The following BMP3 variants were observed in gnomAD, a reference collection of about 807,000 sequenced individuals.
The protein encoded by BMP3 is bone morphogenetic protein 3 (osteogenic).
Under a neutral mutation model 38.1 loss-of-function variants are expected in BMP3, and 23 were observed. The observed-to-expected ratio is 0.60, with a 90% CI of 0.43 to 0.86. The LOEUF (loss-of-function observed/expected upper bound fraction) is 0.86. BMP3 is among the 40% of genes least tolerant of loss of function. The pLI is 0.00. For synonymous variants in BMP3, 258 were observed against 225.7 expected, an observed-to-expected ratio of 1.14 and a Z score of -1.28; for missense variants, 628 against 579.6, an observed-to-expected ratio of 1.08 and a Z score of -0.86.
At chr4:81,050,338 G>A (rs919564472) in intron 2 of BMP3, among the ~76,000 whole-genome samples, 1 of 152,154 alleles carries the variant, frequency 6.6e-6, no homozygotes, top group South Asian at 2.1e-4. Flanking sequence ...CAGCCAATCT[G>A]TTCTCCCAGA....
At chr4:81,038,226 A>G (rs926986706) in intron 1 of BMP3, among the ~76,000 whole-genome samples, 2 of 152,160 alleles carry the variant, frequency 1.3e-5, no homozygotes, top group African/African-American at 2.4e-5. Flanking sequence ...TGGTTTTGCC[A>G]TAAAGAAGTC....
rs1468473636 is a variant in BMP3 at position 81,057,422 on chromosome 4, T to C, written c.*3886T>C. On this transcript the variant is annotated 3_prime_UTR_variant, in exon 3 of 3. Transcript: ENST00000282701. ...TAGAGGGTATATTGCAGTGAAACTG[T>C]GAAGGATACTTCACTACCAATGTAT... 6.6e-6 allele frequency: 1 copy of C among 152,098 alleles called. No individual in the cohort carries two copies. Among genetic ancestry groups the C allele is most frequent in the African/African-American group, 2.4e-5 (1 of 41,458 alleles). The allele number at this position is 152,098 out of a possible 1,614,324, so 9.4% of individuals were successfully genotyped here. A position where few individuals can be genotyped will look rare whatever the true frequency, so the allele number is the denominator to read the frequency against.
Position 81,057,252 on chromosome 4 carries a change from A to G in BMP3, c.*3716A>G, listed in dbSNP as rs1331353353. 6.6e-6 allele frequency: 1 copy of G among 151,664 alleles called. No homozygotes were observed. The highest frequency in any genetic ancestry group is 2.4e-5 in the African/African-American group (1 of 41,358). 9.4% of individuals were successfully genotyped at this position (151,664 alleles called of 1,614,324 possible). The stretch of plus-strand genomic sequence containing the variant: ...ATATGTATATGGAAAAGGTTCAAAG[A>G]TGCTTTTAATTTATTTAATGACTAT... On this transcript the variant is annotated 3_prime_UTR_variant, in exon 3 of 3. Coordinates refer to ENST00000282701, the MANE Select transcript of BMP3 (RefSeq NM_001201.5).
In BMP3 at chr4:81,048,441, T is replaced by C. The variant is rs540145152; in HGVS notation, c.1227+1793T>C. Among the ~76,000 whole-genome samples, 111 of 152,312 alleles carry C rather than the reference T, an allele frequency of 7.3e-4. 1 individual carries two copies. The highest frequency in any genetic ancestry group is 2.6e-3 in the African/African-American group (107 of 41,568). ...CTGGGTAGCCTGGGGAAGTAGTTTT[T>C]CCCTTTTCTCCTGACTACAATCTTC... On this transcript the variant is annotated intron_variant, in intron 2 of 2. Transcript: ENST00000282701.
chr4:81,048,197 CA>C (rs1740311706), intron 2 of BMP3, among the ~76,000 whole-genome samples: 1 of 152,014 alleles, frequency 6.6e-6, no homozygotes, highest in African/African-American at 2.4e-5. Context: ...ACTGATCAAA[CA>C]AAGTTGTTCA....
chr4:81,046,182 G>A lies in BMP3; in HGVS notation c.761G>A (p.Ser254Asn), dbSNP rs780576204. The change falls in exon 2 of 3, where the codon AGT (serine) becomes AAT (asparagine). Residue 254 changes from serine (S) to asparagine (N), a missense_variant. Physicochemically the swap from Ser to Asn is conservative, Grantham distance 46. Coordinates refer to ENST00000282701, the MANE Select transcript of BMP3 (RefSeq NM_001201.5). ...GATGCCGCCATTTCTGAGCCAGAAA[G>A]TGTGGTATCAAGCTTACAGGGACAC... ...ANDAAISEPE[S>N]VVSSLQGHRN... 1 of 1,613,986 alleles carries A rather than the reference G, an allele frequency of 6.2e-7. No individual in the cohort carries two copies. Among genetic ancestry groups the A allele is most frequent in the Non-Finnish European group, 8.5e-7 (1 of 1,180,040 alleles).
rs547107492 is a variant in BMP3, at chr4:81,036,110, T to G, written c.316+4510T>G. Among the ~76,000 whole-genome samples the G allele has an allele frequency of 2.0e-5, 3 of 152,212 alleles. No individual in the cohort carries two copies. The South Asian group carries it at 6.2e-4, about 32-fold the overall frequency. On this transcript the variant is annotated intron_variant, in intron 1 of 2. Transcript: ENST00000282701. ...TGTCATTAAATTTTATTTTTTCCTA[T>G]ATCTTTATGAGTTCTCCTTCATTAT... is the stretch of plus-strand genomic sequence containing the variant.
At position 81,046,309 on chromosome 4, in the gene BMP3, T is replaced by G. The variant is rs773451656; in HGVS notation, c.888T>G (p.Pro296=). The change falls in exon 2 of 3, where the codon CCT becomes CCG. Residue 296 remains proline (P), a synonymous_variant. Coordinates refer to ENST00000282701, the MANE Select transcript of BMP3 (RefSeq NM_001201.5). Reference sequence around the variant, plus strand: ...AGCGCTCTACTGGGGTCTTGCTGCCTCTGCAGAACAACGAGCTTCCTGGGG... The same window carrying G: ...AGCGCTCTACTGGGGTCTTGCTGCCGCTGCAGAACAACGAGCTTCCTGGGG... ...RKKRSTGVLL[P]LQNNELPGAE... 6.2e-6 allele frequency: 10 copies of G among 1,614,060 alleles called. No individual in the cohort carries two copies. The Admixed American group carries it at 1.7e-4, about 27-fold the overall frequency.
intron 1 of BMP3, among the ~76,000 whole-genome samples, chr4:81,036,687 C>T (rs1296160156): frequency 6.6e-6 from 1 of 151,854 alleles, no homozygotes; most frequent in Non-Finnish European, 1.5e-5. Context: ...TTATATTAAT[C>T]AAGTAATACA....
chr4:81,030,735 GCACACACGCGCGCGCGCGCGCGCACA>G lies in BMP3; in HGVS notation c.-542_-517del, dbSNP rs1739718000. Among the ~76,000 whole-genome samples the G allele has an allele frequency of 6.6e-6, 1 of 151,022 alleles. No homozygotes were observed. The highest frequency in any genetic ancestry group is 1.5e-5 in the Non-Finnish European group (1 of 67,744). On this transcript the variant is annotated 5_prime_UTR_variant, in exon 1 of 3. Coordinates refer to ENST00000282701, the MANE Select transcript of BMP3 (RefSeq NM_001201.5). ...CTCTCTCTCATACACACACACACAC[GCACACACGCGCGCGCGCGCGCGCACA>G]CACACACACACGTACACTAAAAAAC...
In BMP3 at chr4:81,046,487, C is replaced by T. The variant is rs1318110155; in HGVS notation, c.1066C>T (p.Leu356=). 1 of 1,613,890 alleles carries T rather than the reference C, an allele frequency of 6.2e-7. No individual in the cohort carries two copies. Among genetic ancestry groups the T allele is most frequent in the African/African-American group, 1.3e-5 (1 of 74,892 alleles). ...GACGCTCCAATTTGATGAGCAGACC[C>T]TGAAAAAGGCAAGGAGAAAGCAGTG... The part of the protein sequence containing the change: ...SQTLQFDEQT[L]KKARRKQWIE... The change falls in exon 2 of 3, where the codon CTG becomes TTG. Residue 356 remains leucine (L), a synonymous_variant. Transcript: ENST00000282701.
At position 81,031,382 on chromosome 4, in the gene BMP3, G is replaced by T; in HGVS notation, c.98G>T (p.Arg33Leu). ...CCGAAGCCACCTTTCCCGGAGCTCC[G>T]CAAAGCTGTGCCAGGTGACCGCACG... ...ERPKPPFPEL[R>L]KAVPGDRTAG... The change falls in exon 1 of 3, where the codon CGC becomes CTC. Residue 33 changes from arginine (R) to leucine (L), a missense_variant. Transcript: ENST00000282701. 10 of 1,613,566 alleles carry T rather than the reference G, an allele frequency of 6.2e-6. No individual in the cohort carries two copies. Among genetic ancestry groups the T allele is most frequent in the Non-Finnish European group, 8.5e-6 (10 of 1,179,850 alleles).
Position 81,055,886 on chromosome 4 carries a change from T to C in BMP3, c.*2350T>C, listed in dbSNP as rs1740542484. The C allele has an allele frequency of 2.0e-5, 3 of 152,178 alleles. No homozygotes were observed. Among genetic ancestry groups the C allele is most frequent in the Non-Finnish European group, 4.4e-5 (3 of 68,022 alleles). The allele number at this position is 152,178 out of a possible 1,614,324, so 9.4% of individuals were successfully genotyped here. On this transcript the variant is annotated 3_prime_UTR_variant, in exon 3 of 3. Transcript: ENST00000282701. ...CAATGAAAGAACTTGGGTAATCTCT[T>C]AGCAATGGAAATAGGTTTTAACCAG...
At chr4:81,043,322 A>C (rs1007956853) in intron 1 of BMP3, among the ~76,000 whole-genome samples, 9 of 152,180 alleles carry the variant, frequency 5.9e-5, no homozygotes, top group Admixed American at 2.0e-4. Context: ...GCACCTATTA[A>C]TAAATCTCTC....
chr4:81,043,172 T>G (rs1158532786), intron 1 of BMP3, among the ~76,000 whole-genome samples: 1 of 152,248 alleles, frequency 6.6e-6, no homozygotes, highest in Admixed American at 6.5e-5. Context: ...TGTGTGTTTC[T>G]GAAACAAATA....
chr4:81,047,195 T>G (rs1578299014), intron 2 of BMP3, among the ~76,000 whole-genome samples: 1 of 152,330 alleles, frequency 6.6e-6, no homozygotes, highest in Non-Finnish European at 1.5e-5. Context: ...ACGTGCTTAT[T>G]TCATTTGCTT....
intron 1 of BMP3, among the ~76,000 whole-genome samples, chr4:81,043,007 CA>C (rs1009375863): frequency 6.6e-6 from 1 of 152,202 alleles, no homozygotes; most frequent in Non-Finnish European, 1.5e-5. Flanking sequence ...CCTTTTCCTT[CA>C]CACAGTGTTA....
rs780244535 is a variant in BMP3 at position 81,046,510 on chromosome 4, G to A, written c.1089G>A (p.Gln363=). ...EQTLKKARRK[Q]WIEPRNCARR... ...CCCTGAAAAAGGCAAGGAGAAAGCA[G>A]TGGATTGAACCTCGGAATTGCGCCA... is the stretch of plus-strand genomic sequence containing the variant. The change falls in exon 2 of 3, where the codon CAG becomes CAA. Residue 363 remains glutamine (Q), a synonymous_variant. Coordinates refer to ENST00000282701, the MANE Select transcript of BMP3 (RefSeq NM_001201.5). 4 of 1,614,142 alleles carry A rather than the reference G, an allele frequency of 2.5e-6. No individual in the cohort carries two copies. Among genetic ancestry groups the A allele is most frequent in the African/African-American group, 1.3e-5 (1 of 75,048 alleles).
At chr4:81,032,686 C>T (rs1357088433) in intron 1 of BMP3, among the ~76,000 whole-genome samples, 1 of 152,160 alleles carries the variant, frequency 6.6e-6, no homozygotes, top group Non-Finnish European at 1.5e-5. Context: ...AGAAATCTCC[C>T]AAAGTTTTGA....
Sources: gnomAD v4.1 joint callset for allele counts (sites outside exome capture counted in the v4.1 genomes callset) on GRCh38, gnomAD v4.1.1 for gene constraint, MANE v1.5 for transcripts, NCBI Gene and HGNC (gene_info 2026-07-23, HGNC 2026-07-21) for gene names.